Variants in EFCAB11 observed in about 807,000 individuals in gnomAD.
EFCAB11 encodes EF-hand calcium-binding domain-containing protein 11.
In EFCAB11, 14 loss-of-function variants were observed where a neutral mutation model predicts 23.0. The observed-to-expected ratio is 0.61, with a 90% CI of 0.40 to 0.95. EFCAB11 has a LOEUF of 0.95. Among genes scored for constraint, EFCAB11 ranks in the 40% least tolerant of loss-of-function variants. The pLI is 0.00. For missense variants in EFCAB11, 198 were observed against 195.8 expected (o/e 1.01, Z -0.07); for synonymous variants, 65 against 66.6 (o/e 0.98, Z 0.11).
intron 5 of EFCAB11, among the ~76,000 whole-genome samples, chr14:89,913,833 A>C (rs1372868826): frequency 6.6e-6 from 1 of 152,156 alleles, no homozygotes; most frequent in Non-Finnish European, 1.5e-5. Context: ...AAAATATTTA[A>C]ATTTATCTTT....
intron 5 of EFCAB11, among the ~76,000 whole-genome samples, chr14:89,889,095 T>C (rs192531575): frequency 2.6e-5 from 4 of 152,290 alleles, no homozygotes; most frequent in Non-Finnish European, 5.9e-5. Flanking sequence ...AGGGTTTGCA[T>C]GATAATTAGA....
Position 89,945,085 on chromosome 14 carries a change from T to C in EFCAB11, c.217+5012A>G, listed in dbSNP as rs780635766. Reference sequence around the variant, plus strand: ...CTAATAAAATATTAGATTTTAAATCTAAATGTTAGTAATCCCTGCTCTCTT... The same window carrying C: ...CTAATAAAATATTAGATTTTAAATCCAAATGTTAGTAATCCCTGCTCTCTT... On this transcript the variant is annotated intron_variant, in intron 3 of 5. Transcript: ENST00000316738. 6.6e-4 allele frequency among the ~76,000 whole-genome samples: 100 copies of C among 151,372 alleles called. 1 individual carries two copies. The highest frequency in any genetic ancestry group is 7.2e-4 in the Non-Finnish European group (49 of 67,790).
intron 5 of EFCAB11, among the ~76,000 whole-genome samples, chr14:89,821,431 G>A (rs1308089082): frequency 6.6e-6 from 1 of 152,066 alleles, no homozygotes; most frequent in East Asian, 1.9e-4. Flanking sequence ...AAATCCTATT[G>A]TGTCTGTTTC....
chr14:89,950,040 C>T, intron 3 of EFCAB11, 57 bp downstream of exon 3: 3 of 1,467,484 alleles, frequency 2.0e-6, no homozygotes, highest in Non-Finnish European at 2.8e-6. Flanking sequence ...GGGACACAGC[C>T]AAGCCATCTC....
At chr14:89,846,656 T>C (rs544725723) in intron 5 of EFCAB11, among the ~76,000 whole-genome samples, 11 of 152,256 alleles carry the variant, frequency 7.2e-5, no homozygotes, top group African/African-American at 2.4e-4. Flanking sequence ...AGTTCTTCAT[T>C]TACTCCCAAC....
chr14:89,895,637 T>A (rs1889128849), intron 5 of EFCAB11, among the ~76,000 whole-genome samples: 1 of 152,220 alleles, frequency 6.6e-6, no homozygotes, highest in Admixed American at 6.5e-5. Flanking sequence ...CACGCCCTAT[T>A]CATAAATCAA....
intron 5 of EFCAB11, among the ~76,000 whole-genome samples, chr14:89,920,972 G>C (rs1461675591): frequency 1.3e-5 from 2 of 151,508 alleles, no homozygotes; most frequent in African/African-American, 4.9e-5. Context: ...GGCTGAGGCA[G>C]GAGAATCACT....
At chr14:89,928,658 A>G (rs530859343) in intron 5 of EFCAB11, among the ~76,000 whole-genome samples, 33 of 146,804 alleles carry the variant, frequency 2.2e-4, no homozygotes, top group Non-Finnish European at 4.6e-4. Flanking sequence ...CTTGCTATTG[A>G]ATTATATATA....
chr14:89,903,802 A>T (rs1889409189), intron 5 of EFCAB11, among the ~76,000 whole-genome samples: 1 of 152,214 alleles, frequency 6.6e-6, no homozygotes, highest in Non-Finnish European at 1.5e-5. Context: ...AATGCATTAA[A>T]ACTTTGGTTA....
intron 5 of EFCAB11, among the ~76,000 whole-genome samples, chr14:89,899,985 C>A (rs1234529892): frequency 6.6e-6 from 1 of 152,154 alleles, no homozygotes; most frequent in Non-Finnish European, 1.5e-5. Flanking sequence ...TGTATTTTAG[C>A]AAACCAATCC....
chr14:89,886,532 AAAAAAAAAAAAAG>A (rs941661289), intron 5 of EFCAB11, among the ~76,000 whole-genome samples: 3 of 144,228 alleles, frequency 2.1e-5, no homozygotes, highest in African/African-American at 5.3e-5. Flanking sequence ...AAAAAAAAAA[AAAAAAAAAAAAAG>A]GAAAGTGATC....
chr14:89,797,169 C>A lies in EFCAB11; in HGVS notation c.*74G>T, dbSNP rs1885601778. 7.2e-7 allele frequency: 1 copy of A among 1,385,806 alleles called. No homozygotes were observed. Among genetic ancestry groups the A allele is most frequent in the Non-Finnish European group, 1.0e-6 (1 of 993,086 alleles). The allele number at this position is 1,385,806 out of a possible 1,614,324, so 85.8% of individuals were successfully genotyped here. On this transcript the variant is annotated 3_prime_UTR_variant, in exon 6 of 6. Transcript: ENST00000316738. Reference sequence around the variant, plus strand: ...TAATCACAAGTCTGTAGCATGACATCATTAGTAGAGTCGAGTCTGCTGACA... The same window carrying A: ...TAATCACAAGTCTGTAGCATGACATAATTAGTAGAGTCGAGTCTGCTGACA...
intron 5 of EFCAB11, among the ~76,000 whole-genome samples, chr14:89,873,768 G>A (rs1233717313): frequency 1.3e-5 from 2 of 152,184 alleles, no homozygotes; most frequent in East Asian, 1.9e-4. Context: ...TCCAGGACAC[G>A]CTGATGTAAG....
At chr14:89,869,258 C>A (rs529525319) in intron 5 of EFCAB11, among the ~76,000 whole-genome samples, 6 of 152,254 alleles carry the variant, frequency 3.9e-5, no homozygotes, top group African/African-American at 1.4e-4. Context: ...CCTCCTCACA[C>A]TTTAAAAATG....
intron 5 of EFCAB11, among the ~76,000 whole-genome samples, chr14:89,906,882 G>C (rs1330624279): frequency 6.6e-6 from 1 of 152,130 alleles, no homozygotes; most frequent in Non-Finnish European, 1.5e-5. Context: ...GTGAAATAAT[G>C]TTAAATGAAA....
In EFCAB11 at chr14:89,800,498, C is replaced by T. The variant is rs74593556; in HGVS notation, c.411-3174G>A. Among the ~76,000 whole-genome samples the T allele has an allele frequency of 2.4e-3, 363 of 152,250 alleles. 10 individuals are homozygous for T. The South Asian group carries it at 0.041, about 17-fold the overall frequency. On this transcript the variant is annotated intron_variant, in intron 5 of 5. Coordinates refer to ENST00000316738, the MANE Select transcript of EFCAB11 (RefSeq NM_145231.4). ...TGGTCTAACCCATAGTCAAAGACCA[C>T]CCACTTCAATCCAGTTAAGCAGCTC... is the stretch of plus-strand genomic sequence containing the variant.
intron 2 of EFCAB11, 49 bp downstream of exon 2, chr14:89,953,857 T>C: frequency 5.4e-6 from 8 of 1,487,302 alleles, no homozygotes; most frequent in Non-Finnish European, 7.4e-6. Context: ...TTAGGATCCA[T>C]TCACCTTTGA....
chr14:89,825,180 T>C lies in EFCAB11; in HGVS notation c.411-27856A>G, dbSNP rs180810353. ...ATAACGGAATGAAATTAGAGATCAA[T>C]AACCAAAAAATTGGGAGAACTTTCA... On this transcript the variant is annotated intron_variant, in intron 5 of 5. Coordinates refer to ENST00000316738, the MANE Select transcript of EFCAB11 (RefSeq NM_145231.4). Among the ~76,000 whole-genome samples, 550 of 144,542 alleles carry C rather than the reference T, an allele frequency of 3.8e-3. 4 individuals carry two copies. The highest frequency in any genetic ancestry group is 6.5e-3 in the Non-Finnish European group (426 of 65,992). The allele number at this position is 144,542 out of a possible 152,430, so 94.8% of individuals were successfully genotyped here.
intron 3 of EFCAB11, among the ~76,000 whole-genome samples, chr14:89,942,476 T>C (rs912214404): frequency 6.6e-6 from 1 of 152,204 alleles, no homozygotes; most frequent in East Asian, 1.9e-4. Context: ...CAGATGACTG[T>C]TTTCCAGGTC....
Sources: allele counts gnomAD v4.1 joint callset (sites outside exome capture counted in the v4.1 genomes callset), GRCh38; gene constraint gnomAD v4.1.1; transcripts MANE v1.5; gene names NCBI Gene and HGNC (gene_info 2026-07-23, HGNC 2026-07-21).